ZMYM1: variants seen among roughly 807,000 people sequenced by gnomAD.
ZMYM1 encodes the protein zinc finger MYM-type containing 1.
ZMYM1 carries 39 observed loss-of-function variants against 60.0 expected under a neutral mutation model. The ratio of observed to expected loss-of-function variants is 0.65; its 90% CI spans 0.50 to 0.85. ZMYM1 has a LOEUF of 0.85. ZMYM1 is among the 40% of genes least tolerant of loss of function. ZMYM1 has a pLI of 0.00. For synonymous variants in ZMYM1, 413 were observed against 454.0 expected (o/e 0.91, Z 1.15); for missense variants, 1,171 against 1,309.5 (o/e 0.89, Z 1.63).
downstream of ZMYM1, among the ~76,000 whole-genome samples, chr1:35,118,328 T>G (rs757846671): frequency 6.6e-6 from 1 of 152,164 alleles, no homozygotes; most frequent in Non-Finnish European, 1.5e-5. Flanking sequence ...TGGAAGTGCT[T>G]AAGGCTATGA....
chr1:35,072,995 T>A (rs896915953), intron 1 of ZMYM1, among the ~76,000 whole-genome samples: 13 of 151,750 alleles, frequency 8.6e-5, no homozygotes, highest in African/African-American at 3.1e-4. Flanking sequence ...GGCAGGAGAA[T>A]CACTTGAACC....
Position 35,113,020 on chromosome 1 carries a change from G to GT in ZMYM1, c.1191dup (p.Ser398Ter). 1 of 1,608,768 alleles carries GT rather than the reference G, an allele frequency of 6.2e-7. No homozygotes were observed. The highest frequency in any genetic ancestry group is 8.5e-7 in the Non-Finnish European group (1 of 1,178,218). ...AGTGAACCCAGTAATGCTGTTGCTAGTAGTAGTACGGAACAGCCAAGCGTT... is the reference window on the plus strand; with the variant it reads ...AGTGAACCCAGTAATGCTGTTGCTAGTTAGTAGTACGGAACAGCCAAGCGTT... On this transcript the variant is annotated frameshift_variant, in exon 10 of 10. Coordinates refer to ENST00000359858, the MANE Select transcript of ZMYM1 (RefSeq NM_024772.5). LOFTEE classifies it low-confidence loss of function (END_TRUNC).
Position 35,114,724 on chromosome 1 carries a change from TTAA to T in ZMYM1, c.2897_2899del (p.Asn966del), listed in dbSNP as rs1644211063. ...ACTTCAACAGAAGAACAATATAAAA[TTAA>T]TATCTATTACCAAGGATTAGATACT... is the stretch of plus-strand genomic sequence containing the variant. On this transcript the variant is annotated inframe_deletion, in exon 10 of 10. Coordinates refer to ENST00000359858, the MANE Select transcript of ZMYM1 (RefSeq NM_024772.5). 6.4e-7 allele frequency: 1 copy of T among 1,571,376 alleles called. No individual in the cohort carries two copies. Among genetic ancestry groups the T allele is most frequent in the East Asian group, 2.3e-5 (1 of 44,426 alleles).
At chr1:35,112,178 T>TTTG (rs749320961) in intron 9 of ZMYM1, 48 bp downstream of exon 9, 86 of 1,587,406 alleles carry the variant, frequency 5.4e-5, no homozygotes, top group Middle Eastern at 1.7e-4. Context: ...TAAGCAGATT[T>TTTG]TTGTTGTTGT....
rs1343230640 is a variant in ZMYM1, at chr1:35,113,743, A to G, written c.1913A>G (p.Asn638Ser). 19 of 1,613,858 alleles carry G rather than the reference A, an allele frequency of 1.2e-5. No individual in the cohort carries two copies. Among genetic ancestry groups the G allele is most frequent in the Admixed American group, 3.3e-5 (2 of 60,006 alleles). Residue 638 changes from asparagine to serine, a missense_variant, in exon 10 of 10, where the codon AAT (asparagine) becomes AGT (serine). Coordinates refer to ENST00000359858, the MANE Select transcript of ZMYM1 (RefSeq NM_024772.5). ...TTGCAGGATATTGTGAATGAGATCA[A>G]TGACTCCTCAGCATTTTCAATCATA... ...EMLQDIVNEI[N>S]DSSAFSIICD...
rs371084383 is a variant in ZMYM1 at position 35,064,292 on chromosome 1, C to CAA, written c.-301+4387_-301+4388dup. Among the ~76,000 whole-genome samples, 513 of 53,362 alleles carry CAA rather than the reference C, an allele frequency of 9.6e-3. 3 individuals carry two copies. Among genetic ancestry groups the CAA allele is most frequent in the South Asian group, 0.014 (21 of 1,478 alleles). The allele number at this position is 53,362 out of a possible 152,430, so 35.0% of individuals were successfully genotyped here. On this transcript the variant is annotated intron_variant, in intron 1 of 10. Coordinates refer to the ZMYM1 transcript ENST00000417119. ...TGGGAAACACGGTGAGATCCTGTCT[C>CAA]AAAAAAAAAAAAAAAAAAAAACAAA...
At chr1:35,069,670 G>A (rs1056184266) in intron 1 of ZMYM1, among the ~76,000 whole-genome samples, 5 of 152,110 alleles carry the variant, frequency 3.3e-5, no homozygotes, top group Non-Finnish European at 5.9e-5. Context: ...CCAGTCCAAT[G>A]TTATTAAGCA....
At chr1:35,077,016 A>T (rs1642180059), upstream of ZMYM1, among the ~76,000 whole-genome samples, 1 of 152,088 alleles carries the variant, frequency 6.6e-6, no homozygotes, top group African/African-American at 2.4e-5. Flanking sequence ...ATTCCTTAGG[A>T]CTTAATCTTT....
rs367656738 is a variant in ZMYM1 at position 35,105,122 on chromosome 1, C to A, written c.807+353C>A. Among the ~76,000 whole-genome samples, 89 of 125,214 alleles carry A rather than the reference C, an allele frequency of 7.1e-4. 1 individual carries two copies. The highest frequency in any genetic ancestry group is 4.7e-3 in the South Asian group (19 of 4,038). 82.1% of individuals were successfully genotyped at this position (125,214 alleles called of 152,430 possible). A position where few individuals can be genotyped will look rare whatever the true frequency, so the allele number is the denominator to read the frequency against. ...TTATTTTTATGTATTTATTTTATTTCTTTCTTTTTTTTTTTTTTTTTTTTT... is the reference window on the plus strand; with the variant it reads ...TTATTTTTATGTATTTATTTTATTTATTTCTTTTTTTTTTTTTTTTTTTTT... On this transcript the variant is annotated intron_variant, in intron 6 of 9. Coordinates refer to ENST00000359858, the MANE Select transcript of ZMYM1 (RefSeq NM_024772.5).
At chr1:35,069,703 T>G (rs1180471201) in intron 1 of ZMYM1, among the ~76,000 whole-genome samples, 1 of 152,234 alleles carries the variant, frequency 6.6e-6, no homozygotes, top group Non-Finnish European at 1.5e-5. Flanking sequence ...TTTCTTCTAG[T>G]AATTTAATGG....
intron 1 of ZMYM1, among the ~76,000 whole-genome samples, chr1:35,061,512 C>G (rs1447325567): frequency 6.6e-6 from 1 of 152,044 alleles, no homozygotes; most frequent in Non-Finnish European, 1.5e-5. Context: ...TGCGGTGGCT[C>G]ACGCCTGTAA....
intron 6 of ZMYM1, among the ~76,000 whole-genome samples, chr1:35,109,238 A>G (rs1644004172): frequency 1.3e-5 from 2 of 151,024 alleles, no homozygotes; most frequent in African/African-American, 4.9e-5. Context: ...TCACTATTTT[A>G]CCAGTCTGGT....
chr1:35,088,342 C>T (rs1642771536), intron 1 of ZMYM1, among the ~76,000 whole-genome samples: 1 of 149,566 alleles, frequency 6.7e-6, no homozygotes, highest in East Asian at 2.0e-4. Flanking sequence ...CGCTTGAACC[C>T]GGGAGGTGGA....
intron 6 of ZMYM1, among the ~76,000 whole-genome samples, chr1:35,105,522 C>T (rs1643869275): frequency 1.3e-5 from 2 of 152,182 alleles, no homozygotes; most frequent in Non-Finnish European, 2.9e-5. Flanking sequence ...CAACCTCCGC[C>T]TCCCAGGTTC....
chr1:35,066,991 T>C (rs1438087915), intron 1 of ZMYM1, among the ~76,000 whole-genome samples: 2 of 152,202 alleles, frequency 1.3e-5, no homozygotes, highest in African/African-American at 4.8e-5. Context: ...CTTATTTAAT[T>C]ATTTTGAGAC....
upstream of ZMYM1, among the ~76,000 whole-genome samples, chr1:35,076,396 C>T (rs191394412): frequency 3.0e-4 from 46 of 152,158 alleles, no homozygotes; most frequent in African/African-American, 8.7e-4. Context: ...CTGAGGTGAG[C>T]GGATCACTTG....
At chr1:35,085,055 GT>G (rs919832236) in intron 1 of ZMYM1, among the ~76,000 whole-genome samples, 25 of 150,516 alleles carry the variant, frequency 1.7e-4, no homozygotes, top group South Asian at 4.2e-4. Flanking sequence ...TTTTGGTTTG[GT>G]TTTTTTTTGG....
downstream of ZMYM1, among the ~76,000 whole-genome samples, chr1:35,118,264 A>G (rs1638534837): frequency 6.6e-6 from 1 of 150,532 alleles, no homozygotes; most frequent in South Asian, 2.1e-4. Context: ...AAAAAAGAAA[A>G]TAGAAGTTAA....
Position 35,093,638 on chromosome 1 carries a change from C to T in ZMYM1, c.-74-276C>T, listed in dbSNP as rs186332768. On this transcript the variant is annotated intron_variant, in intron 1 of 9. Transcript: ENST00000359858. ...CTCCTATTGAAAAGTTAAAAATAAA[C>T]TTGTAAGTTTTGGTGGTTTTATGCT... Among the ~76,000 whole-genome samples the T allele has an allele frequency of 2.4e-3, 367 of 152,270 alleles. 1 individual carries two copies. Among genetic ancestry groups the T allele is most frequent in the African/African-American group, 8.5e-3 (352 of 41,558 alleles).
Sources: gnomAD v4.1 joint callset for allele counts (sites outside exome capture counted in the v4.1 genomes callset) on GRCh38, gnomAD v4.1.1 for gene constraint, MANE v1.5 for transcripts, NCBI Gene and HGNC (gene_info 2026-07-23, HGNC 2026-07-21) for gene names.